The following SLC27A2 variants were observed in gnomAD, a reference collection of about 807,000 sequenced individuals.
The protein encoded by SLC27A2 is solute carrier family 27 member 2, also known as long-chain fatty acid transport protein 2.
Under a neutral mutation model 60.0 loss-of-function variants are expected in SLC27A2, and 54 were observed. The observed-to-expected ratio is 0.90, with a 90% CI of 0.72 to 1.13. SLC27A2 has a LOEUF of 1.13. SLC27A2 is among the 50% of genes most tolerant of loss of function. The pLI, the probability that SLC27A2 is intolerant of heterozygous loss-of-function variation, is 0.00. For synonymous variants in SLC27A2, 297 were observed against 297.6 expected (o/e 1.00, Z 0.02); for missense variants, 739 against 777.6 (o/e 0.95, Z 0.59).
intron 1 of SLC27A2, 31 bp downstream of exon 1, chr15:50,182,936 C>T: frequency 1.3e-6 from 2 of 1,565,496 alleles, no homozygotes; most frequent in African/African-American, 1.3e-5. Context: ...TGCCCTGGCA[C>T]CAGGGCTTCT....
chr15:50,227,001 G>T lies in SLC27A2; in HGVS notation c.1280G>T (p.Cys427Phe). 6.2e-7 allele frequency: 1 copy of T among 1,613,790 alleles called. No homozygotes were observed. The part of the protein sequence containing the change: ...VPKGEVGLLV[C>F]KITQLTPFNG... ...TTAGGTGAAGTTGGACTTCTGGTTT[G>T]CAAAATCACACAACTTACACCATTT... is the stretch of plus-strand genomic sequence containing the variant. The change falls in exon 7 of 10, where the codon TGC becomes TTC. Residue 427 changes from cysteine to phenylalanine, a missense_variant. By Grantham distance (205) the Cys-to-Phe change is radical. Transcript: ENST00000267842.
At chr15:50,219,926 A>G (rs2045231365) in intron 4 of SLC27A2, among the ~76,000 whole-genome samples, 2 of 152,184 alleles carry the variant, frequency 1.3e-5, no homozygotes, top group South Asian at 4.1e-4. Flanking sequence ...TCTAGAAATC[A>G]GTTCCTCTGA....
intron 1 of SLC27A2, among the ~76,000 whole-genome samples, chr15:50,184,851 A>G (rs1238178329): frequency 1.3e-5 from 2 of 152,294 alleles, no homozygotes; most frequent in East Asian, 3.9e-4. Flanking sequence ...AACAGAATAA[A>G]AAAAAGACAA....
At chr15:50,206,931 G>C (rs1222069469) in intron 4 of SLC27A2, among the ~76,000 whole-genome samples, 1 of 152,190 alleles carries the variant, frequency 6.6e-6, no homozygotes, top group Non-Finnish European at 1.5e-5. Context: ...CATTAGCAGT[G>C]AGTTGGGTTA....
At chr15:50,200,897 G>A (rs889266276) in intron 2 of SLC27A2, among the ~76,000 whole-genome samples, 1 of 152,222 alleles carries the variant, frequency 6.6e-6, no homozygotes. Context: ...ACAAGGCTAG[G>A]AGGAAACAGG....
Position 50,227,152 on chromosome 15 carries a change from C to T in SLC27A2, c.1431C>T (p.Phe477=), listed in dbSNP as rs2045284547. 6.2e-7 allele frequency: 1 copy of T among 1,614,014 alleles called. No homozygotes were observed. Among genetic ancestry groups the T allele is most frequent in the Non-Finnish European group, 8.5e-7 (1 of 1,179,918 alleles). ...TTGACCATGAAAATTTCATCTATTT[C>T]CACGACAGAGTTGGAGATACATTCC... is the stretch of plus-strand genomic sequence containing the variant. ...LMVDHENFIY[F]HDRVGDTFRW... The change falls in exon 7 of 10, where the codon TTC becomes TTT. Residue 477 remains phenylalanine (F), a synonymous_variant. Transcript: ENST00000267842.
At chr15:50,221,521 A>G (rs535023729) in intron 4 of SLC27A2, among the ~76,000 whole-genome samples, 1 of 152,338 alleles carries the variant, frequency 6.6e-6, no homozygotes, top group African/African-American at 2.4e-5. Flanking sequence ...ATGGAAACCA[A>G]TTCAGAGTTT....
chr15:50,188,692 GCTCATGC>G (rs2044945376), intron 1 of SLC27A2, among the ~76,000 whole-genome samples: 1 of 152,212 alleles, frequency 6.6e-6, no homozygotes, highest in Admixed American at 6.5e-5. Context: ...GGGCACGGTG[GCTCATGC>G]CTGTAATCCC....
chr15:50,186,463 G>A (rs2044924066), intron 1 of SLC27A2, among the ~76,000 whole-genome samples: 1 of 151,122 alleles, frequency 6.6e-6, no homozygotes, highest in Non-Finnish European at 1.5e-5. Flanking sequence ...TTTTGAGACA[G>A]TCTCGCTCTG....
chr15:50,222,251 C>G (rs904510556), intron 4 of SLC27A2, among the ~76,000 whole-genome samples: 7 of 152,158 alleles, frequency 4.6e-5, no homozygotes, highest in Non-Finnish European at 1.0e-4. Flanking sequence ...CTTCTCTTCC[C>G]CTCCCCATCC....
In SLC27A2 at chr15:50,236,057, C is replaced by T. The variant is rs767213100; in HGVS notation, c.1824C>T (p.Asp608=). 4 of 1,613,140 alleles carry T rather than the reference C, an allele frequency of 2.5e-6. No homozygotes were observed. The East Asian group carries it at 8.9e-5, about 36-fold the overall frequency. Residue 608 remains aspartate (D), a synonymous_variant, in exon 10 of 10, where the codon GAC becomes GAT. Transcript: ENST00000267842. ...AAATGTATGTGCCTATGACTGAGGA[C>T]ATCTATAATGCCATAAGTGCTAAAA... is the stretch of plus-strand genomic sequence containing the variant. The part of the protein sequence containing the change: ...TAKMYVPMTE[D]IYNAISAKTL...
Position 50,228,977 on chromosome 15 carries a change from T to G in SLC27A2, c.1490T>G (p.Val497Gly). The G allele has an allele frequency of 1.2e-6, 2 of 1,614,090 alleles. No homozygotes were observed. Among genetic ancestry groups the G allele is most frequent in the East Asian group, 4.5e-5 (2 of 44,890 alleles). Residue 497 changes from valine (V) to glycine (G), a missense_variant, in exon 8 of 10, where the codon GTT becomes GGT. Physicochemically the swap from Val to Gly is moderately radical, Grantham distance 109. Coordinates refer to ENST00000267842, the MANE Select transcript of SLC27A2 (RefSeq NM_003645.4). The part of the protein sequence containing the change: ...WKGENVATTE[V>G]ADTVGLVDFV... ...GGGGAAAATGTGGCCACCACTGAAG[T>G]TGCTGATACAGTTGGACTGGTTGAT...
chr15:50,182,904 A>T lies in SLC27A2; in HGVS notation c.477A>T (p.Pro159=). ...CCGAKVLLVS[P]ELQAAVEEIL... is the part of the protein sequence containing the mutation. ...GGGCGAAGGTGCTGCTGGTGTCGCCAGGTGAGCCCCGAGGATCGCCCTGCC... is the reference window on the plus strand; with the variant it reads ...GGGCGAAGGTGCTGCTGGTGTCGCCTGGTGAGCCCCGAGGATCGCCCTGCC... The change falls in exon 1 of 10, where the codon CCA becomes CCT. Residue 159 remains proline (P), a splice_region_variant and synonymous_variant. Coordinates refer to ENST00000267842, the MANE Select transcript of SLC27A2 (RefSeq NM_003645.4). 6.2e-7 allele frequency: 1 copy of T among 1,601,820 alleles called. No individual in the cohort carries two copies. The highest frequency in any genetic ancestry group is 1.1e-5 in the South Asian group (1 of 90,208).
chr15:50,191,631 A>G (rs1595680446), intron 1 of SLC27A2, among the ~76,000 whole-genome samples: 1 of 152,310 alleles, frequency 6.6e-6, no homozygotes. Context: ...GCACTCCTGC[A>G]TGCACATCTC....
intron 5 of SLC27A2, among the ~76,000 whole-genome samples, chr15:50,223,541 T>C (rs2045259678): frequency 6.6e-6 from 1 of 152,170 alleles, no homozygotes; most frequent in African/African-American, 2.4e-5. Context: ...CTGGGGAGTT[T>C]TTTTTATATG....
At chr15:50,225,322 TAATTA>T (rs1291267436) in intron 5 of SLC27A2, among the ~76,000 whole-genome samples, 5 of 152,254 alleles carry the variant, frequency 3.3e-5, no homozygotes, top group African/African-American at 1.2e-4. Context: ...GAATTGCTGA[TAATTA>T]AATTCTTATG....
intron 5 of SLC27A2, among the ~76,000 whole-genome samples, chr15:50,224,394 C>T (rs1324833463): frequency 1.3e-5 from 2 of 152,060 alleles, no homozygotes; most frequent in African/African-American, 4.8e-5. Flanking sequence ...GAGTCGAGAT[C>T]GCGCCACTGC....
chr15:50,229,144 A>G (rs2045298660), intron 8 of SLC27A2, 102 bp downstream of exon 8: 2 of 740,046 alleles, frequency 2.7e-6, no homozygotes, highest in Non-Finnish European at 4.7e-6. Context: ...ATCCAGAGTT[A>G]AACAGTTCTT....
intron 1 of SLC27A2, among the ~76,000 whole-genome samples, chr15:50,195,448 G>A (rs1468390772): frequency 1.3e-5 from 2 of 151,958 alleles, no homozygotes; most frequent in Admixed American, 6.6e-5. Flanking sequence ...CCGAGATCGC[G>A]CCACTGCACT....
Sources: gnomAD v4.1 joint callset for allele counts (sites outside exome capture counted in the v4.1 genomes callset) on GRCh38, gnomAD v4.1.1 for gene constraint, MANE v1.5 for transcripts, NCBI Gene and HGNC (gene_info 2026-07-23, HGNC 2026-07-21) for gene names.